TFB2M: variants seen among roughly 807,000 people sequenced by gnomAD.
The protein encoded by TFB2M is dimethyladenosine transferase 2, mitochondrial.
In TFB2M, 44 loss-of-function variants were observed where a neutral mutation model predicts 41.3. That is an observed-to-expected ratio of 1.07 (90% CI 0.84 to 1.37). The LOEUF is 1.37. TFB2M is among the 40% of genes most tolerant of loss of function. The pLI, the probability that TFB2M is intolerant of heterozygous loss-of-function variation, is 0.00. For missense variants in TFB2M, 496 were observed against 490.2 expected, an observed-to-expected ratio of 1.01 and a Z score of -0.11; for synonymous variants, 188 against 176.8, an observed-to-expected ratio of 1.06 and a Z score of -0.50.
At chr1:246,545,035 G>A (rs553710688) in intron 6 of TFB2M, among the ~76,000 whole-genome samples, 2 of 147,858 alleles carry the variant, frequency 1.4e-5, no homozygotes, top group Non-Finnish European at 3.0e-5. Context: ...TCGATCTCCT[G>A]ACCTCGTGAT....
intron 2 of TFB2M, among the ~76,000 whole-genome samples, chr1:246,562,751 C>T (rs1445216270): frequency 1.3e-5 from 2 of 152,018 alleles, no homozygotes; most frequent in Non-Finnish European, 2.9e-5. Flanking sequence ...TCTCTGAGTC[C>T]CGGGTTCAAG....
At chr1:246,548,707 A>G (rs1378872652) in intron 5 of TFB2M, 100 bp from the exon 6 acceptor site, 2 of 1,028,112 alleles carry the variant, frequency 1.9e-6, no homozygotes. Flanking sequence ...TAAATAAGAG[A>G]ATGGTCAGTC....
intron 6 of TFB2M, among the ~76,000 whole-genome samples, chr1:246,544,999 G>GA (rs1553363347): frequency 1.3e-5 from 2 of 151,884 alleles, no homozygotes; most frequent in Non-Finnish European, 2.9e-5. Context: ...TAGAGATGGG[G>GA]TTTCACCGTG....
At chr1:246,550,541 C>T (rs915736153) in intron 5 of TFB2M, among the ~76,000 whole-genome samples, 3 of 152,074 alleles carry the variant, frequency 2.0e-5, no homozygotes, top group Admixed American at 6.6e-5. Flanking sequence ...TATTCTCAGG[C>T]GGAAGCAGTG....
chr1:246,564,282 T>C, intron 2 of TFB2M, 64 bp downstream of exon 2: 1 of 1,421,272 alleles, frequency 7.0e-7, no homozygotes, highest in Non-Finnish European at 9.9e-7. Context: ...TTAATTCCAT[T>C]TCCTTAAACC....
intron 2 of TFB2M, among the ~76,000 whole-genome samples, chr1:246,558,237 CCTGGGCTT>C (rs1558513918): frequency 6.6e-6 from 1 of 150,836 alleles, no homozygotes; most frequent in Non-Finnish European, 1.5e-5. Context: ...GCCTTGACCT[CCTGGGCTT>C]AAGTGATCCT....
At chr1:246,542,130 A>G (rs925224358) in intron 7 of TFB2M, among the ~76,000 whole-genome samples, 2 of 152,114 alleles carry the variant, frequency 1.3e-5, no homozygotes, top group African/African-American at 4.8e-5. Flanking sequence ...GTAATAGAAA[A>G]GATACAGTAA....
intron 4 of TFB2M, 82 bp downstream of exon 4, chr1:246,556,490 TA>T: frequency 1.9e-6 from 2 of 1,062,980 alleles, no homozygotes; most frequent in Non-Finnish European, 2.6e-6. Context: ...TCACGAGCCC[TA>T]AATTAAAATC....
At chr1:246,560,236 A>T (rs1659420766) in intron 2 of TFB2M, among the ~76,000 whole-genome samples, 1 of 152,232 alleles carries the variant, frequency 6.6e-6, no homozygotes, top group South Asian at 2.1e-4. Context: ...CTTTCAAGTT[A>T]TCAAAAAGGC....
intron 6 of TFB2M, among the ~76,000 whole-genome samples, chr1:246,546,292 A>G (rs1330034976): frequency 8.6e-6 from 1 of 116,110 alleles, no homozygotes; most frequent in African/African-American, 2.9e-5. Flanking sequence ...AGCCTGGGAG[A>G]AGAGTGAGAC....
intron 6 of TFB2M, 147 bp from the exon 7 acceptor site, chr1:246,544,828 T>C (rs544218525): frequency 3.0e-4 from 204 of 669,588 alleles, no homozygotes; most frequent in Non-Finnish European, 4.4e-4. Flanking sequence ...TTCTTGGAGA[T>C]AGAGTCTCAC....
intron 7 of TFB2M, among the ~76,000 whole-genome samples, chr1:246,541,616 A>G (rs1658860230): frequency 6.6e-6 from 1 of 152,248 alleles, no homozygotes; most frequent in African/African-American, 2.4e-5. Flanking sequence ...TAGCTAACCT[A>G]TAATGAAAAT....
chr1:246,557,779 C>A (rs1402747517), intron 2 of TFB2M, among the ~76,000 whole-genome samples: 1 of 151,956 alleles, frequency 6.6e-6, no homozygotes, highest in African/African-American at 2.4e-5. Context: ...TTCAAGTGAT[C>A]CTGTGCCAGC....
At chr1:246,548,479 T>TAAAAAA in intron 6 of TFB2M, 66 bp downstream of exon 6, 1 of 1,275,706 alleles carries the variant, frequency 7.8e-7, no homozygotes, top group African/African-American at 1.5e-5. Flanking sequence ...CAAATAGTCC[T>TAAAAAA]AAAAAAATAA....
chr1:246,544,956 C>T (rs961887435), intron 6 of TFB2M, among the ~76,000 whole-genome samples: 20 of 152,092 alleles, frequency 1.3e-4, no homozygotes, highest in Non-Finnish European at 1.5e-4. Context: ...CAGGCGCCCA[C>T]CACCACGCCT....
intron 3 of TFB2M, 36 bp downstream of exon 3, chr1:246,557,345 T>C (rs1267716472): frequency 6.3e-7 from 1 of 1,594,198 alleles, no homozygotes; most frequent in African/African-American, 1.4e-5. Flanking sequence ...ACCTGGCAAA[T>C]TCTAGGTATT....
intron 6 of TFB2M, among the ~76,000 whole-genome samples, chr1:246,545,150 G>T (rs1658979844): frequency 6.6e-6 from 1 of 152,164 alleles, no homozygotes; most frequent in Non-Finnish European, 1.5e-5. Context: ...GCCCTAATTG[G>T]TCTTTACCAA....
At chr1:246,541,313 C>G in intron 7 of TFB2M, 111 bp from the exon 8 acceptor site, 1 of 1,020,660 alleles carries the variant, frequency 9.8e-7, no homozygotes, top group Non-Finnish European at 1.4e-6. Flanking sequence ...CTTAGGCATA[C>G]AGAGTGCTAT....
rs1659653896 is a variant in TFB2M at position 246,565,974 on chromosome 1, C to T, written c.165G>A (p.Pro55=). 1 of 1,614,056 alleles carries T rather than the reference C, an allele frequency of 6.2e-7. No individual in the cohort carries two copies. Among genetic ancestry groups the T allele is most frequent in the East Asian group, 2.2e-5 (1 of 44,854 alleles). ...SDSSPQLWPE[P]DFRNPPRKAS... ...CCTTCCTTGGCGGATTCCTGAAATC[C>T]GGTTCGGGCCACAGCTGCGGAGAGG... Residue 55 remains proline, a synonymous_variant, in exon 1 of 8, where the codon CCG becomes CCA. Coordinates refer to ENST00000366514, the MANE Select transcript of TFB2M (RefSeq NM_022366.3).
Sources: allele counts gnomAD v4.1 joint callset (sites outside exome capture counted in the v4.1 genomes callset), GRCh38; gene constraint gnomAD v4.1.1; transcripts MANE v1.5; gene names NCBI Gene and HGNC (gene_info 2026-07-23, HGNC 2026-07-21).